The following DNAH5 variants were observed in gnomAD, a reference collection of about 807,000 sequenced individuals.
DNAH5 encodes axonemal beta dynein heavy chain 5.
DNAH5 carries 372 observed loss-of-function variants against 518.2 expected under a neutral mutation model. That is an observed-to-expected ratio of 0.72 (90% CI 0.66 to 0.78). The LOEUF is 0.78. DNAH5 is among the 30% of genes least tolerant of loss of function. DNAH5 has a pLI of 0.00. For synonymous variants in DNAH5, 2,039 were observed against 2,025.9 expected (o/e 1.01, Z -0.17); for missense variants, 5,523 against 5,687.0 (o/e 0.97, Z 0.93).
At chr5:13,929,354 G>A (rs912460845) in intron 2 of DNAH5, among the ~76,000 whole-genome samples, 2 of 152,142 alleles carry the variant, frequency 1.3e-5, no homozygotes, top group Non-Finnish European at 2.9e-5. Context: ...ACTGTGGAGT[G>A]GTAGTTTAAT....
At chr5:13,734,443 T>C (rs923544960) in intron 68 of DNAH5, among the ~76,000 whole-genome samples, 5 of 152,208 alleles carry the variant, frequency 3.3e-5, no homozygotes, top group African/African-American at 1.2e-4. Context: ...GGCTGTTTCG[T>C]TTGAATGGCC....
At chr5:13,836,023 G>T (rs9312848) in intron 35 of DNAH5, among the ~76,000 whole-genome samples, 3 of 151,912 alleles carry the variant, frequency 2.0e-5, no homozygotes, top group East Asian at 1.9e-4. Context: ...AAGGGCTTCA[G>T]GGTTACTCCA....
In DNAH5 at chr5:13,817,562, A is replaced by T. The variant is rs777304172; in HGVS notation, c.6974T>A (p.Leu2325Ter). The change falls in exon 42 of 79, where the codon TTA (leucine) becomes TAA (stop). Residue 2325 changes from leucine to a stop codon, truncating the protein, a stop_gained. Coordinates refer to ENST00000265104, the MANE Select transcript of DNAH5 (RefSeq NM_001369.3). LOFTEE classifies it high-confidence loss of function. ...TTATCTTCTACCTTTCTTTGCTCTT[A>T]ATGTTTTCCTCCAAAGCGTAGAAAA... is the stretch of plus-strand genomic sequence containing the variant. Reference protein sequence around the residue: ...GIFSTLWRKTLRAKKGEHIWI... With the variant: ...GIFSTLWRKT The T allele has an allele frequency of 6.2e-7, 1 of 1,614,088 alleles. No individual in the cohort carries two copies. Among genetic ancestry groups the T allele is most frequent in the South Asian group, 1.1e-5 (1 of 91,078 alleles).
At chr5:13,841,238 G>A in intron 33 of DNAH5, 108 bp from the exon 34 acceptor site, 3 of 880,582 alleles carry the variant, frequency 3.4e-6, no homozygotes, top group Non-Finnish European at 5.4e-6. Flanking sequence ...GTAAAGCCAT[G>A]ATTACATCAA....
chr5:13,734,032 A>G (rs1746988677), intron 68 of DNAH5, among the ~76,000 whole-genome samples: 1 of 152,258 alleles, frequency 6.6e-6, no homozygotes, highest in Admixed American at 6.5e-5. Flanking sequence ...TTGAAACCCT[A>G]TATCTCAATT....
At chr5:13,703,278 TC>T (rs983876889) in intron 76 of DNAH5, among the ~76,000 whole-genome samples, 2 of 152,136 alleles carry the variant, frequency 1.3e-5, no homozygotes, top group African/African-American at 4.8e-5. Flanking sequence ...CAGGCACTGT[TC>T]TAAGCACTTC....
In DNAH5 at chr5:13,916,443, C is replaced by T; in HGVS notation, c.1102G>A (p.Asp368Asn). The stretch of plus-strand genomic sequence containing the variant: ...GCATTTATAAGTGTAGGAATAGCAT[C>T]CATCATGGATAGCTGAAAGATATCA... ...LYSSDPLSMM[D>N]AIPTLINAIK... is the part of the protein sequence containing the mutation. The change falls in exon 9 of 79, where the codon GAT becomes AAT. Residue 368 changes from aspartate to asparagine, a missense_variant. Transcript: ENST00000265104. 6.5e-7 allele frequency: 1 copy of T among 1,549,810 alleles called. No homozygotes were observed. The highest frequency in any genetic ancestry group is 8.9e-7 in the Non-Finnish European group (1 of 1,124,178).
chr5:13,844,854 C>T lies in DNAH5; in HGVS notation c.5254G>A (p.Val1752Ile). The change falls in exon 32 of 79, where the codon GTC becomes ATC. Residue 1752 changes from valine (V) to isoleucine (I), a missense_variant. Physicochemically the swap from Val to Ile is conservative, Grantham distance 29. This residue lies in a region of DNAH5 where 5,121 missense variants were observed against 5,223.3 expected (regional missense o/e 0.98). Coordinates refer to ENST00000265104, the MANE Select transcript of DNAH5 (RefSeq NM_001369.3). The stretch of plus-strand genomic sequence containing the variant: ...AGGCGAACCTTTTCGTGGAACTTGA[C>T]AGATTTAATGTTGTCAAACACATTC... ...LLNVFDNIKSVKFHEKIYDRI... is the reference protein window; with the variant it reads ...LLNVFDNIKSIKFHEKIYDRI... 1 of 1,614,150 alleles carries T rather than the reference C, an allele frequency of 6.2e-7. No homozygotes were observed. Among genetic ancestry groups the T allele is most frequent in the Non-Finnish European group, 8.5e-7 (1 of 1,180,034 alleles).
intron 12 of DNAH5, among the ~76,000 whole-genome samples, chr5:13,911,172 A>G (rs556002500): frequency 6.6e-6 from 1 of 152,358 alleles, no homozygotes; most frequent in East Asian, 1.9e-4. Flanking sequence ...TCTGATACAC[A>G]TCATTAGCCA....
At chr5:13,806,825 T>C (rs1759676084) in intron 47 of DNAH5, among the ~76,000 whole-genome samples, 1 of 152,152 alleles carries the variant, frequency 6.6e-6, no homozygotes, top group Admixed American at 6.5e-5. Flanking sequence ...CAACGCAAAC[T>C]TGAGGGGTTT....
At chr5:13,752,940 C>A (rs554629141) in intron 63 of DNAH5, among the ~76,000 whole-genome samples, 1 of 152,212 alleles carries the variant, frequency 6.6e-6, no homozygotes, top group East Asian at 1.9e-4. Flanking sequence ...AAGTGCTGCA[C>A]ACTTTGTGTG....
chr5:13,748,927 A>C (rs974155697), intron 65 of DNAH5, among the ~76,000 whole-genome samples: 18 of 151,974 alleles, frequency 1.2e-4, no homozygotes, highest in African/African-American at 4.1e-4. Flanking sequence ...TTCATAAGGC[A>C]CACATAAGAC....
chr5:13,868,045 C>T, intron 24 of DNAH5, 53 bp from the exon 25 acceptor site: 1 of 1,242,482 alleles, frequency 8.0e-7, no homozygotes, highest in African/African-American at 1.5e-5. Flanking sequence ...CATAAATCTA[C>T]ACACAGCCAT....
rs1258868565 is a variant in DNAH5, at chr5:13,890,993, ACT to A, written c.2558_2559del (p.Glu853ValfsTer19). ...TTAATGACCTTTGTCATTTGGAGAA[ACT>A]CTTCACAGGTTAGTGGCTCCTCCTG... ...LPQEEPLTCE[E>X]FLQMTKDLCV... On this transcript the variant is annotated frameshift_variant, in exon 17 of 79. Coordinates refer to ENST00000265104, the MANE Select transcript of DNAH5 (RefSeq NM_001369.3). LOFTEE classifies it high-confidence loss of function. 6.2e-7 allele frequency: 1 copy of A among 1,614,098 alleles called. No individual in the cohort carries two copies. Among genetic ancestry groups the A allele is most frequent in the Non-Finnish European group, 8.5e-7 (1 of 1,179,988 alleles).
chr5:13,811,241 C>G (rs1159747369), intron 44 of DNAH5, among the ~76,000 whole-genome samples: 1 of 152,142 alleles, frequency 6.6e-6, no homozygotes, highest in Non-Finnish European at 1.5e-5. Flanking sequence ...GTGATAGATA[C>G]CCCATTCACC....
At chr5:13,740,461 T>C (rs978751284) in intron 65 of DNAH5, among the ~76,000 whole-genome samples, 1 of 152,182 alleles carries the variant, frequency 6.6e-6, no homozygotes, top group Non-Finnish European at 1.5e-5. Context: ...TGGGACTTCA[T>C]TTCCTACTTT....
chr5:13,973,511 C>G (rs1361719176), intron 1 of DNAH5, among the ~76,000 whole-genome samples: 1 of 152,228 alleles, frequency 6.6e-6, no homozygotes, highest in African/African-American at 2.4e-5. Flanking sequence ...TGAGCTGCTC[C>G]TCTTCTGCTG....
intron 1 of DNAH5, among the ~76,000 whole-genome samples, chr5:13,950,660 G>A (rs1780320109): frequency 6.6e-6 from 1 of 152,152 alleles, no homozygotes; most frequent in South Asian, 2.1e-4. Context: ...TGTGAATGAA[G>A]ACATGTAAAT....
chr5:13,719,537 A>G (rs1561107466), intron 71 of DNAH5, among the ~76,000 whole-genome samples: 2 of 152,208 alleles, frequency 1.3e-5, no homozygotes, highest in South Asian at 2.1e-4. Flanking sequence ...GAGGTTCAGG[A>G]AAGTTGAATC....
Sources: gnomAD v4.1 joint callset for allele counts (sites outside exome capture counted in the v4.1 genomes callset) on GRCh38, gnomAD v4.1.1 for gene constraint, gnomAD v4.1.1 regional missense constraint, MANE v1.5 for transcripts, NCBI Gene and HGNC (gene_info 2026-07-23, HGNC 2026-07-21) for gene names.